Variants in PET117 observed in about 807,000 individuals in gnomAD.
PET117 encodes PET117 cytochrome c oxidase chaperone.
PET117 carries 10 observed loss-of-function variants against 9.2 expected under a neutral mutation model. The observed-to-expected ratio is 1.09, with a 90% CI of 0.67 to 1.85. PET117 has a LOEUF of 1.85. PET117 is among the 40% of genes most tolerant of loss of function. The pLI is 0.00. For missense variants in PET117, 96 were observed against 98.2 expected (o/e 0.98, Z 0.09); for synonymous variants, 43 against 37.1 (o/e 1.16, Z -0.57).
At chr20:18,138,148 C>A in intron 1 of PET117, 97 bp downstream of exon 1, 2 of 1,341,014 alleles carry the variant, frequency 1.5e-6, no homozygotes, top group South Asian at 1.8e-5. Flanking sequence ...AGCTCCTCTT[C>A]GTGTCTTTCC....
chr20:18,139,521 T>G (rs1416825486), intron 1 of PET117, among the ~76,000 whole-genome samples: 1 of 152,144 alleles, frequency 6.6e-6, no homozygotes, highest in Non-Finnish European at 1.5e-5. Context: ...GGGGACCTGG[T>G]TCAACAATGT....
chr20:18,142,237 T>G lies in PET117; in HGVS notation c.126T>G (p.Ile42Met). 6.5e-7 allele frequency: 1 copy of G among 1,537,148 alleles called. No individual in the cohort carries two copies. The highest frequency in any genetic ancestry group is 2.0e-5 in the Admixed American group (1 of 50,976). ...QRLRDGVIRD[I>M]ERQIRKKENI... ...TTCGTGACGGAGTTATCAGAGACAT[T>G]GAGAGGCAAATTCGGAAAAAAGAAA... Residue 42 changes from isoleucine to methionine, a missense_variant, in exon 2 of 2, where the codon ATT becomes ATG. Coordinates refer to ENST00000432901, the MANE Select transcript of PET117 (RefSeq NM_001164811.2).
rs544790987 is a variant in PET117, at chr20:18,138,524, G to A, written c.96+473G>A. ...CCCAAGGTTGGGGTTAAAGCCTAAT[G>A]TGTTTTACGTGCTATTGATTTTATC... On this transcript the variant is annotated intron_variant, in intron 1 of 1. Coordinates refer to ENST00000432901, the MANE Select transcript of PET117 (RefSeq NM_001164811.2). 2.5e-4 allele frequency: 222 copies of A among 896,566 alleles called. No homozygotes were observed. The African/African-American group carries it at 3.8e-3, about 15-fold the overall frequency. 55.5% of individuals were successfully genotyped at this position (896,566 alleles called of 1,614,324 possible).
rs770518970 is a variant in PET117, at chr20:18,138,042, G to A, written c.87G>A (p.Trp29Ter). ...TVAGVHVKQQ[W>*]DQQRLRDGVI... ...CCGGCGTACATGTGAAGCAGCAGTG[G>A]GACCAGCAGGTCGGTGTCACGTGAC... Residue 29 changes from tryptophan to a stop codon, truncating the protein, a stop_gained, in exon 1 of 2, where the codon TGG becomes TGA. Coordinates refer to ENST00000432901, the MANE Select transcript of PET117 (RefSeq NM_001164811.2). LOFTEE classifies it high-confidence loss of function. The A allele has an allele frequency of 1.1e-5, 16 of 1,487,024 alleles. No homozygotes were observed. Among genetic ancestry groups the A allele is most frequent in the Non-Finnish European group, 1.4e-5 (16 of 1,125,472 alleles). The allele number at this position is 1,487,024 out of a possible 1,614,324, so 92.1% of individuals were successfully genotyped here.
intron 1 of PET117, among the ~76,000 whole-genome samples, chr20:18,141,051 T>TTTGTTTTTTG (rs58888387): frequency 9.1e-6 from 1 of 109,702 alleles, no homozygotes; most frequent in Non-Finnish European, 1.8e-5. Flanking sequence ...TTTTTTATTT[T>TTTGTTTTTTG]TATTTTTGCT....
At chr20:18,141,136 A>G (rs1478833440) in intron 1 of PET117, among the ~76,000 whole-genome samples, 3 of 148,272 alleles carry the variant, frequency 2.0e-5, no homozygotes, top group Non-Finnish European at 3.0e-5. Flanking sequence ...GCCTTGGCCT[A>G]AGATTACAGG....
rs1403885511 is a variant in PET117 at position 18,142,253 on chromosome 20, A to C, written c.142A>C (p.Lys48Gln). The C allele has an allele frequency of 6.5e-7, 1 of 1,537,188 alleles. No homozygotes were observed. The highest frequency in any genetic ancestry group is 2.4e-5 in the East Asian group (1 of 40,896). Reference protein sequence around the residue: ...VIRDIERQIRKKENIRLLGEQ... With the variant: ...VIRDIERQIRQKENIRLLGEQ... ...CAGAGACATTGAGAGGCAAATTCGG[A>C]AAAAAGAAAACATTCGTCTTTTGGG... Residue 48 changes from lysine (K) to glutamine (Q), a missense_variant, in exon 2 of 2, where the codon AAA becomes CAA. Lys to Gln is a moderately conservative substitution (Grantham distance 53). Transcript: ENST00000432901.
chr20:18,140,353 A>G (rs574602890), intron 1 of PET117, among the ~76,000 whole-genome samples: 4 of 152,196 alleles, frequency 2.6e-5, no homozygotes, highest in South Asian at 2.1e-4. Flanking sequence ...GACTCCTTCA[A>G]ATCCCTCATA....
intron 1 of PET117, among the ~76,000 whole-genome samples, chr20:18,139,634 G>GT (rs1491165503): frequency 1.6e-4 from 1 of 6,344 alleles, no homozygotes; most frequent in Non-Finnish European, 2.9e-4. Flanking sequence ...CCAAAATAAC[G>GT]TGTGTGTGTG....
At chr20:18,139,323 A>C (rs2037431824) in intron 1 of PET117, among the ~76,000 whole-genome samples, 1 of 152,206 alleles carries the variant, frequency 6.6e-6, no homozygotes, top group African/African-American at 2.4e-5. Context: ...AAAACTTGAG[A>C]TGGAGTAAAA....
chr20:18,137,872 C>T lies in PET117; in HGVS notation c.-84C>T, dbSNP rs538856910. 6.0e-6 allele frequency: 8 copies of T among 1,341,362 alleles called. No individual in the cohort carries two copies. In the Admixed American group the frequency reaches 1.0e-4, roughly 17 times the overall value. 83.1% of individuals were successfully genotyped at this position (1,341,362 alleles called of 1,614,324 possible). A position where few individuals can be genotyped will look rare whatever the true frequency, so the allele number is the denominator to read the frequency against. ...CTGCGCTCGAGGGGTCGAGCCTGGGCAGTACAGGCGGCGGTGCGCACTCTG... is the reference window on the plus strand; with the variant it reads ...CTGCGCTCGAGGGGTCGAGCCTGGGTAGTACAGGCGGCGGTGCGCACTCTG... On this transcript the variant is annotated 5_prime_UTR_variant, in exon 1 of 2. Transcript: ENST00000432901.
intron 1 of PET117, among the ~76,000 whole-genome samples, chr20:18,139,633 C>CGTGTGTGTGTGTGTGTGTGT (rs71194228): frequency 1.9e-4 from 27 of 141,720 alleles, no homozygotes; most frequent in East Asian, 1.8e-3. Flanking sequence ...ACCAAAATAA[C>CGTGTGTGTGTGTGTGTGTGT]GTGTGTGTGT....
intron 1 of PET117, 112 bp downstream of exon 1, chr20:18,138,163 C>T: frequency 1.5e-6 from 2 of 1,335,540 alleles, no homozygotes; most frequent in Non-Finnish European, 1.9e-6. Flanking sequence ...CTTTCCCCCG[C>T]GGTGGCGCGG....
chr20:18,141,029 T>TTTTA (rs2037534579), intron 1 of PET117, among the ~76,000 whole-genome samples: 2 of 13,186 alleles, frequency 1.5e-4, no homozygotes, highest in South Asian at 5.4e-3. Flanking sequence ...TGCAATTTTT[T>TTTTA]TTTTTTTTTT....
Position 18,138,275 on chromosome 20 carries a change from A to G in PET117, c.96+224A>G, listed in dbSNP as rs541950104. On this transcript the variant is annotated intron_variant, in intron 1 of 1. Transcript: ENST00000432901. The stretch of plus-strand genomic sequence containing the variant: ...GTGTGCAGCCCGCAGATTCAGGACG[A>G]CCCGGCTGCCCGGCTTAGCGCCTTT... The G allele has an allele frequency of 2.3e-4, 274 of 1,217,602 alleles. 1 individual carries two copies. The highest frequency in any genetic ancestry group is 3.1e-4 in the Middle Eastern group (1 of 3,240). 75.4% of individuals were successfully genotyped at this position (1,217,602 alleles called of 1,614,324 possible).
At chr20:18,139,631 A>G (rs1209146883) in intron 1 of PET117, among the ~76,000 whole-genome samples, 1 of 117,426 alleles carries the variant, frequency 8.5e-6, no homozygotes, top group Non-Finnish European at 1.9e-5. Context: ...GAACCAAAAT[A>G]ACGTGTGTGT....
Position 18,137,955 on chromosome 20 carries a change from G to A in PET117, c.-1G>A, listed in dbSNP as rs773786882. 2.0e-6 allele frequency: 3 copies of A among 1,487,890 alleles called. No individual in the cohort carries two copies. The highest frequency in any genetic ancestry group is 2.9e-5 in the African/African-American group (2 of 68,398). The allele number at this position is 1,487,890 out of a possible 1,614,324, so 92.2% of individuals were successfully genotyped here. ...GAGAGGCCGCGGCCGCCAGCGTGGG[G>A]ATGTCTAGGAGCTCGAAGGTGGTGC... On this transcript the variant is annotated 5_prime_UTR_variant, in exon 1 of 2. Coordinates refer to ENST00000432901, the MANE Select transcript of PET117 (RefSeq NM_001164811.2).
chr20:18,139,633 C>CTGTGTGTGTGT (rs1226297921), intron 1 of PET117, among the ~76,000 whole-genome samples: 1 of 141,634 alleles, frequency 7.1e-6, no homozygotes, highest in Non-Finnish European at 1.5e-5. Context: ...ACCAAAATAA[C>CTGTGTGTGTGT]GTGTGTGTGT....
At chr20:18,141,032 TTTTTTTTTTTTTTTA>T (rs1458916142) in intron 1 of PET117, among the ~76,000 whole-genome samples, 4 of 17,014 alleles carry the variant, frequency 2.4e-4, no homozygotes, top group African/African-American at 4.2e-4. Context: ...AATTTTTTTT[TTTTTTTTTTTTTTTA>T]TTTTTATTTT....
Sources: allele counts gnomAD v4.1 joint callset (sites outside exome capture counted in the v4.1 genomes callset), GRCh38; gene constraint gnomAD v4.1.1; transcripts MANE v1.5; gene names NCBI Gene and HGNC (gene_info 2026-07-23, HGNC 2026-07-21).